PCNX1: variants seen among roughly 807,000 people sequenced by gnomAD.
PCNX1 encodes pecanex-like protein 1.
PCNX1 carries 78 observed loss-of-function variants against 242.2 expected under a neutral mutation model. That is an observed-to-expected ratio of 0.32 (90% confidence interval 0.27 to 0.39). The LOEUF (loss-of-function observed/expected upper bound fraction) is 0.39. PCNX1 is among the 10% of genes least tolerant of loss of function. The pLI is 1.00. For synonymous variants in PCNX1, 1,024 were observed against 1,032.9 expected, an observed-to-expected ratio of 0.99 and a Z score of 0.17; for missense variants, 2,581 against 2,856.5, an observed-to-expected ratio of 0.90 and a Z score of 2.20.
At chr14:71,009,345 T>C (rs77218232) in intron 8 of PCNX1, among the ~76,000 whole-genome samples, 354 of 152,254 alleles carry the variant, frequency 2.3e-3, no homozygotes, top group Non-Finnish European at 4.1e-3. Flanking sequence ...ATCACCTGAA[T>C]AGAGAATGTG....
intron 1 of PCNX1, among the ~76,000 whole-genome samples, chr14:70,908,270 T>C (rs962733638): frequency 2.6e-5 from 4 of 151,754 alleles, no homozygotes; most frequent in Admixed American, 6.6e-5. Flanking sequence ...CTAGGCCCCT[T>C]CTCGGGGTTC....
At position 70,907,681 on chromosome 14, in the gene PCNX1, C is replaced by T; in HGVS notation, c.-170C>T. On this transcript the variant is annotated 5_prime_UTR_variant, in exon 1 of 36. Transcript: ENST00000304743. The stretch of plus-strand genomic sequence containing the variant: ...GTCTCCTCCTCCTCGTTTGCTGCCT[C>T]CTCCTCCTCCTGCAGCAGCACCAGC... 2.6e-6 allele frequency: 2 copies of T among 777,682 alleles called. No homozygotes were observed. Among genetic ancestry groups the T allele is most frequent in the Non-Finnish European group, 3.3e-6 (2 of 597,648 alleles). The allele number at this position is 777,682 out of a possible 1,614,324, so 48.2% of individuals were successfully genotyped here.
Position 70,907,699 on chromosome 14 carries a change from G to A in PCNX1, c.-152G>A. On this transcript the variant is annotated 5_prime_UTR_variant, in exon 1 of 36. Transcript: ENST00000304743. ...GCTGCCTCCTCCTCCTCCTGCAGCA[G>A]CACCAGCGACCGCCGAAGCGCCGGC... The A allele has an allele frequency of 1.1e-6, 1 of 942,056 alleles. No homozygotes were observed. Among genetic ancestry groups the A allele is most frequent in the Non-Finnish European group, 1.3e-6 (1 of 746,600 alleles). 58.4% of individuals were successfully genotyped at this position (942,056 alleles called of 1,614,324 possible). A position where few individuals can be genotyped will look rare whatever the true frequency, so the allele number is the denominator to read the frequency against.
At chr14:71,044,853 C>T (rs1425482321) in intron 19 of PCNX1, among the ~76,000 whole-genome samples, 1 of 152,232 alleles carries the variant, frequency 6.6e-6, no homozygotes, top group Non-Finnish European at 1.5e-5. Flanking sequence ...ATAGGCAATA[C>T]ACCTTAGGCC....
chr14:71,000,209 T>G (rs963422006), intron 8 of PCNX1, among the ~76,000 whole-genome samples: 2 of 152,182 alleles, frequency 1.3e-5, no homozygotes, highest in Non-Finnish European at 2.9e-5. Flanking sequence ...ATTAAGAGGT[T>G]TAAGGGCTAT....
chr14:71,057,503 T>G lies in PCNX1; in HGVS notation c.4637-6T>G. On this transcript the variant is annotated splice_polypyrimidine_tract_variant and splice_region_variant and intron_variant, in intron 25 of 35. Coordinates refer to ENST00000304743, the MANE Select transcript of PCNX1 (RefSeq NM_014982.3). Reference sequence around the variant, plus strand: ...ATTTAACTTTTTTTAAAATCTCTTTTTATAGGATCAGATGACAACAATCTG... The same window carrying G: ...ATTTAACTTTTTTTAAAATCTCTTTGTATAGGATCAGATGACAACAATCTG... 1 of 1,591,014 alleles carries G rather than the reference T, an allele frequency of 6.3e-7. No individual in the cohort carries two copies. The highest frequency in any genetic ancestry group is 1.1e-5 in the South Asian group (1 of 89,602).
chr14:70,925,963 T>C (rs2056576159), intron 1 of PCNX1, among the ~76,000 whole-genome samples: 1 of 152,128 alleles, frequency 6.6e-6, no homozygotes, highest in Non-Finnish European at 1.5e-5. Context: ...AGCCTACCTG[T>C]GATTGATTTG....
At chr14:71,051,741 G>T in intron 23 of PCNX1, 142 bp from the exon 24 acceptor site, 4 of 738,294 alleles carry the variant, frequency 5.4e-6, no homozygotes, top group Non-Finnish European at 8.9e-6. Flanking sequence ...ACTGCCCAGT[G>T]ATATACCTTC....
At position 70,977,763 on chromosome 14, in the gene PCNX1, A is replaced by G; in HGVS notation, c.1426A>G (p.Met476Val). Residue 476 changes from methionine (M) to valine (V), a missense_variant, in exon 6 of 36, where the codon ATG (methionine) becomes GTG (valine). By Grantham distance (21) the Met-to-Val change is conservative. Around this residue, in one of 9 missense-constraint regions of PCNX1, gnomAD observed 1,204 missense variants for 1,216.7 expected, o/e 0.99. Transcript: ENST00000304743. ...CAAGGACCCCACCCCCTCTGATGAG[A>G]TGCACAACCAGAGAGGTCTCAGCAC... ...EAKDPTPSDEMHNQRGLSTSA... is the reference protein window; with the variant it reads ...EAKDPTPSDEVHNQRGLSTSA... 1 of 1,614,128 alleles carries G rather than the reference A, an allele frequency of 6.2e-7. No individual in the cohort carries two copies. Among genetic ancestry groups the G allele is most frequent in the Non-Finnish European group, 8.5e-7 (1 of 1,180,026 alleles).
chr14:71,109,786 A>T lies in PCNX1; in HGVS notation c.6886-9A>T, dbSNP rs2062718496. ...AGTGCTAACTTCTTGTTTTATTCTG[A>T]ATCATTAGGTGATTCACCGATGGGT... On this transcript the variant is annotated splice_polypyrimidine_tract_variant and intron_variant, in intron 35 of 35. Coordinates refer to ENST00000304743, the MANE Select transcript of PCNX1 (RefSeq NM_014982.3). The T allele has an allele frequency of 6.2e-7, 1 of 1,613,498 alleles. No individual in the cohort carries two copies. The highest frequency in any genetic ancestry group is 1.7e-5 in the Admixed American group (1 of 59,970).
At chr14:71,068,932 C>G (rs148493460) in intron 26 of PCNX1, among the ~76,000 whole-genome samples, 2,160 of 151,974 alleles carry the variant, frequency 0.014, 24 homozygotes, top group Middle Eastern at 0.034. Flanking sequence ...TTATAAGTGC[C>G]TATATTAGTC....
intron 11 of PCNX1, among the ~76,000 whole-genome samples, chr14:71,014,698 A>G (rs970293249): frequency 6.6e-6 from 1 of 152,166 alleles, no homozygotes; most frequent in African/African-American, 2.4e-5. Context: ...AGAAGAGTCC[A>G]CTGTCCCCAG....
Position 71,021,259 on chromosome 14 carries a change from C to T in PCNX1, c.3151-1941C>T, listed in dbSNP as rs2060093409. Among the ~76,000 whole-genome samples, 4 of 152,034 alleles carry T rather than the reference C, an allele frequency of 2.6e-5. 1 individual carries two copies. The South Asian group carries it at 8.3e-4, about 32-fold the overall frequency. ...GGCTATGTGGGCTCTTTTTTGGTTC[C>T]ATATGAAATTTAAAGTAGTTTTTTC... On this transcript the variant is annotated intron_variant, in intron 12 of 35. Coordinates refer to ENST00000304743, the MANE Select transcript of PCNX1 (RefSeq NM_014982.3).
intron 10 of PCNX1, 156 bp from the exon 11 acceptor site, chr14:71,012,818 CAAAAAAAAAAA>C (rs10557318): frequency 4.8e-4 from 216 of 453,490 alleles, no homozygotes; most frequent in East Asian, 9.4e-4. Context: ...GACTCTGTCT[CAAAAAAAAAAA>C]AAAAAAAAAG....
intron 12 of PCNX1, among the ~76,000 whole-genome samples, chr14:71,022,607 G>A (rs1424051731): frequency 1.3e-5 from 2 of 152,152 alleles, no homozygotes; most frequent in African/African-American, 4.8e-5. Flanking sequence ...GAAAAGTCAT[G>A]AGTAGGGAAG....
At chr14:70,921,956 G>C (rs2056395806) in intron 1 of PCNX1, among the ~76,000 whole-genome samples, 1 of 152,072 alleles carries the variant, frequency 6.6e-6, no homozygotes, top group African/African-American at 2.4e-5. Context: ...ATATATGTCG[G>C]GATAGGTGAT....
intron 31 of PCNX1, among the ~76,000 whole-genome samples, chr14:71,102,540 A>G (rs986947076): frequency 6.6e-5 from 10 of 152,196 alleles, no homozygotes; most frequent in Non-Finnish European, 4.4e-5. Flanking sequence ...CTGTACAATT[A>G]CAGGTGTGAG....
At chr14:70,987,319 C>A (rs922122838) in intron 6 of PCNX1, among the ~76,000 whole-genome samples, 2 of 152,172 alleles carry the variant, frequency 1.3e-5, no homozygotes, top group African/African-American at 2.4e-5. Flanking sequence ...AGCAACGGAG[C>A]ACTTGAAGTA....
intron 3 of PCNX1, among the ~76,000 whole-genome samples, chr14:70,967,073 T>C (rs1184426360): frequency 1.3e-5 from 2 of 152,240 alleles, no homozygotes; most frequent in African/African-American, 2.4e-5. Context: ...TCAACAGATA[T>C]ATGTATGCAT....
Sources: gnomAD v4.1 joint callset for allele counts (sites outside exome capture counted in the v4.1 genomes callset) on GRCh38, gnomAD v4.1.1 for gene constraint, gnomAD v4.1.1 regional missense constraint, MANE v1.5 for transcripts, NCBI Gene and HGNC (gene_info 2026-07-23, HGNC 2026-07-21) for gene names.